Variants in TRPM4 observed in about 807,000 individuals in gnomAD.
TRPM4 encodes transient receptor potential cation channel subfamily M member 4.
Under a neutral mutation model 135.6 loss-of-function variants are expected in TRPM4, and 124 were observed. That is an observed-to-expected ratio of 0.91 (90% CI 0.79 to 1.06). The LOEUF (loss-of-function observed/expected upper bound fraction) is 1.06. TRPM4 is among the 50% of genes least tolerant of loss of function. The pLI is 0.00. For missense variants in TRPM4, 1,658 were observed against 1,671.4 expected (o/e 0.99, Z 0.14); for synonymous variants, 745 against 705.6 (o/e 1.06, Z -0.88).
intron 20 of TRPM4, among the ~76,000 whole-genome samples, chr19:49,203,255 C>T (rs913263089): frequency 6.6e-6 from 1 of 151,998 alleles, no homozygotes; most frequent in African/African-American, 2.4e-5. Flanking sequence ...TCTCAGCTTA[C>T]TGCAACCTCC....
At chr19:49,208,266 G>A (rs566758762) in intron 20 of TRPM4, among the ~76,000 whole-genome samples, 7 of 151,758 alleles carry the variant, frequency 4.6e-5, no homozygotes, top group Middle Eastern at 3.4e-3. Flanking sequence ...GGATAACTGC[G>A]GGCGGGCCTG....
intron 6 of TRPM4, 106 bp downstream of exon 6, chr19:49,168,842 G>A: frequency 8.3e-7 from 1 of 1,200,470 alleles, no homozygotes; most frequent in Non-Finnish European, 1.2e-6. Context: ...AATTACCTAT[G>A]GTTAAGTGTC....
intron 11 of TRPM4, 23 bp downstream of exon 11, chr19:49,182,945 G>A: frequency 6.3e-7 from 1 of 1,582,502 alleles, no homozygotes. Context: ...CAAAGCTGGG[G>A]GGCCCCCCCG....
At chr19:49,176,222 C>A (rs1967689882) in intron 9 of TRPM4, among the ~76,000 whole-genome samples, 1 of 151,926 alleles carries the variant, frequency 6.6e-6, no homozygotes, top group African/African-American at 2.4e-5. Context: ...CCGCGCCCGG[C>A]CTTAATTCAT....
rs149392062 is a variant in TRPM4 at position 49,183,192 on chromosome 19, G to T, written c.1723G>T (p.Ala575Ser). 3 of 1,614,020 alleles carry T rather than the reference G, an allele frequency of 1.9e-6. No homozygotes were observed. The African/African-American group carries it at 4.0e-5, about 22-fold the overall frequency. Residue 575 changes from alanine (A) to serine (S), a missense_variant, in exon 12 of 25, where the codon GCC becomes TCC. Transcript: ENST00000252826. ...WALLLNRAQM[A>S]MYFWEMGSNA... ...ACTGTTGCTGAACAGGGCACAGATGGCCATGTACTTCTGGGAGATGGTGAG... is the reference window on the plus strand; with the variant it reads ...ACTGTTGCTGAACAGGGCACAGATGTCCATGTACTTCTGGGAGATGGTGAG...
chr19:49,198,911 A>G (rs1968804300), intron 17 of TRPM4, among the ~76,000 whole-genome samples: 1 of 151,646 alleles, frequency 6.6e-6, no homozygotes, highest in Admixed American at 6.6e-5. Context: ...CTGTTTTTTT[A>G]TTATTCCAAA....
intron 10 of TRPM4, 45 bp downstream of exon 10, chr19:49,181,506 T>G: frequency 2.4e-6 from 3 of 1,245,754 alleles, no homozygotes; most frequent in Non-Finnish European, 3.5e-6. Flanking sequence ...ACAAAGGGAC[T>G]GTGCTGTCCT....
chr19:49,182,436 TCATCCATCCATCCACC>T (rs71180606), intron 10 of TRPM4, 126 bp from the exon 11 acceptor site: 11 of 638,120 alleles, frequency 1.7e-5, no homozygotes, highest in African/African-American at 5.5e-5. Flanking sequence ...ACCTATCCAT[TCATCCATCCATCCACC>T]CATCCATCCA....
rs746964292 is a variant in TRPM4 at position 49,168,753 on chromosome 19, A to G, written c.796+17A>G. 1 of 1,576,556 alleles carries G rather than the reference A, an allele frequency of 6.3e-7. No homozygotes were observed. Among genetic ancestry groups the G allele is most frequent in the Admixed American group, 1.9e-5 (1 of 53,972 alleles). ...GCGTGGGAGGTGAGTGGTCGAACCC[A>G]TGACCCACAACCCACGACCCACAAC... is the stretch of plus-strand genomic sequence containing the variant. On this transcript the variant is annotated intron_variant, in intron 6 of 24. Transcript: ENST00000252826.
At chr19:49,183,020 T>G (rs1968053671) in intron 11 of TRPM4, 58 bp from the exon 12 acceptor site, 1 of 1,604,166 alleles carries the variant, frequency 6.2e-7, no homozygotes, top group Non-Finnish European at 8.5e-7. Context: ...GAGGCAGGGC[T>G]GGTGGTGGCC....
chr19:49,207,535 TGGGA>T (rs1969193463), intron 20 of TRPM4, among the ~76,000 whole-genome samples: 1 of 127,260 alleles, frequency 7.9e-6, no homozygotes, highest in South Asian at 2.2e-4. Context: ...GAGGCTGAGG[TGGGA>T]GGAAGGCTTG....
chr19:49,208,071 C>T (rs1969215097), intron 20 of TRPM4, among the ~76,000 whole-genome samples: 2 of 152,160 alleles, frequency 1.3e-5, no homozygotes, highest in African/African-American at 4.8e-5. Flanking sequence ...AGAGAGAGGA[C>T]AGCTTACATC....
Position 49,209,664 on chromosome 19 carries a change from T to C in TRPM4, c.3132-545T>C, listed in dbSNP as rs142743187. Among the ~76,000 whole-genome samples, 976 of 152,114 alleles carry C rather than the reference T, an allele frequency of 6.4e-3. 15 individuals carry two copies. Among genetic ancestry groups the C allele is most frequent in the African/African-American group, 0.022 (910 of 41,486 alleles). On this transcript the variant is annotated intron_variant, in intron 20 of 24. Transcript: ENST00000252826. Reference sequence around the variant, plus strand: ...CTAACTTTGGAGCCCAACTTTAACCTGACTTCAACCTCCACCTTATACCGT... The same window carrying C: ...CTAACTTTGGAGCCCAACTTTAACCCGACTTCAACCTCCACCTTATACCGT...
rs149743167 is a variant in TRPM4 at position 49,195,826 on chromosome 19, G to A, written c.2211-614G>A. Among the ~76,000 whole-genome samples, 514 of 150,992 alleles carry A rather than the reference G, an allele frequency of 3.4e-3. 4 individuals carry two copies. Among genetic ancestry groups the A allele is most frequent in the Non-Finnish European group, 5.3e-3 (361 of 67,764 alleles). The stretch of plus-strand genomic sequence containing the variant: ...AGCCTCCCCAGTAGCTGGGACTACA[G>A]GTGCTTGCCCCTACTACTGGCTAAA... On this transcript the variant is annotated intron_variant, in intron 16 of 24. Coordinates refer to ENST00000252826, the MANE Select transcript of TRPM4 (RefSeq NM_017636.4).
Position 49,193,772 on chromosome 19 carries a change from G to C in TRPM4, c.2211-2668G>C, listed in dbSNP as rs1051995941. Among the ~76,000 whole-genome samples, 4 of 152,154 alleles carry C rather than the reference G, an allele frequency of 2.6e-5. No homozygotes were observed. In the South Asian group the frequency reaches 8.3e-4, roughly 31 times the overall value. On this transcript the variant is annotated intron_variant, in intron 16 of 24. Transcript: ENST00000252826. The stretch of plus-strand genomic sequence containing the variant: ...CATGATGGTTTTCTCTATCAGTAGG[G>C]AGCTTGCTGTCCTCTCTGCATCTGA...
At chr19:49,199,742 G>A (rs1568487960) in intron 17 of TRPM4, among the ~76,000 whole-genome samples, 1 of 150,960 alleles carries the variant, frequency 6.6e-6, no homozygotes, top group Non-Finnish European at 1.5e-5. Flanking sequence ...TTTTTTTTGA[G>A]CCTGCCTCGG....
In TRPM4 at chr19:49,211,236, G is replaced by A. The variant is rs916697392; in HGVS notation, c.3607G>A (p.Gly1203Arg). ...CCGCTCTGCCTTGCTGCCCCCAGGTGGGCCGCCACCCCCTGACCTGCCTGG... is the reference window on the plus strand; with the variant it reads ...CCGCTCTGCCTTGCTGCCCCCAGGTAGGCCGCCACCCCCTGACCTGCCTGG... ...LSRSALLPPG[G>R]PPPPDLPGSK... The change falls in exon 24 of 25, where the codon GGG (glycine) becomes AGG (arginine). Residue 1203 changes from glycine (G) to arginine (R), a missense_variant. Physicochemically the swap from Gly to Arg is moderately radical, Grantham distance 125. Coordinates refer to ENST00000252826, the MANE Select transcript of TRPM4 (RefSeq NM_017636.4). The surrounding 1 kb of genome is among the most constrained non-coding windows in gnomAD (Gnocchi z 4.8). 4 of 1,591,166 alleles carry A rather than the reference G, an allele frequency of 2.5e-6. No homozygotes were observed. The African/African-American group carries it at 5.4e-5, about 21-fold the overall frequency.
chr19:49,202,111 T>G lies in TRPM4; in HGVS notation c.3101T>G (p.Leu1034Arg). The G allele has an allele frequency of 6.2e-7, 1 of 1,614,136 alleles. No homozygotes were observed. ...ATCTTCCTGCTCGTGGCCAACATCC[T>G]GCTGGTCAACTTGCTCATTGCCATG... ...LVIFLLVANI[L>R]LVNLLIAMFS... Residue 1034 changes from leucine (L) to arginine (R), a missense_variant, in exon 20 of 25, where the codon CTG (leucine) becomes CGG (arginine). By Grantham distance (102) the Leu-to-Arg change is moderately radical. Around this residue, in one of 3 missense-constraint regions of TRPM4, gnomAD observed 1,412 missense variants for 1,408.7 expected, o/e 1.00. Coordinates refer to ENST00000252826, the MANE Select transcript of TRPM4 (RefSeq NM_017636.4).
At chr19:49,181,527 C>CTTTT in intron 10 of TRPM4, 66 bp downstream of exon 10, 2 of 830,460 alleles carry the variant, frequency 2.4e-6, no homozygotes, top group Non-Finnish European at 3.6e-6. Flanking sequence ...CCCTCTCTGC[C>CTTTT]TTCTTTTTTT....
Sources: allele counts gnomAD v4.1 joint callset (sites outside exome capture counted in the v4.1 genomes callset), GRCh38; gene constraint gnomAD v4.1.1; regional missense constraint gnomAD v4.1.1; non-coding constraint Gnocchi (gnomAD v3.1); transcripts MANE v1.5; gene names NCBI Gene and HGNC (gene_info 2026-07-23, HGNC 2026-07-21).